WNT7B: variants seen among roughly 807,000 people sequenced by gnomAD.
WNT7B encodes Wnt family member 7B, also known as protein Wnt-7b.
A neutral mutation model predicts 38.2 loss-of-function variants in WNT7B; 19 were observed. The ratio of observed to expected loss-of-function variants is 0.50; its 90% CI spans 0.35 to 0.73. The LOEUF is 0.73. WNT7B is among the 30% of genes least tolerant of loss of function. The pLI is 0.01. For missense variants in WNT7B, 423 were observed against 507.9 expected, an observed-to-expected ratio of 0.83 and a Z score of 1.61; for synonymous variants, 243 against 209.3, an observed-to-expected ratio of 1.16 and a Z score of -1.39.
intron 3 of WNT7B, chr22:45,926,022 A>C: frequency 2.0e-6 from 2 of 985,238 alleles, no homozygotes; most frequent in Non-Finnish European, 2.4e-6. Flanking sequence ...CAGGGAACCC[A>C]GCTGCATGCT....
Position 45,976,624 on chromosome 22 carries a change from A to G in WNT7B, c.71+60T>C. 6.4e-7 allele frequency: 1 copy of G among 1,558,720 alleles called. No individual in the cohort carries two copies. The highest frequency in any genetic ancestry group is 8.7e-7 in the Non-Finnish European group (1 of 1,144,948). Reference sequence around the variant, plus strand: ...CCACGTCCCCACGGGGACGCCCCGGAGGCAGCTCCTTCGTGCTGTCTTGGC... The same window carrying G: ...CCACGTCCCCACGGGGACGCCCCGGGGGCAGCTCCTTCGTGCTGTCTTGGC... On this transcript the variant is annotated intron_variant, in intron 1 of 3. Coordinates refer to ENST00000339464, the MANE Select transcript of WNT7B (RefSeq NM_058238.3). The surrounding 1 kb of genome is among the most constrained non-coding windows in gnomAD (Gnocchi z 8.5).
At chr22:45,964,417 C>A (rs912028765) in intron 1 of WNT7B, among the ~76,000 whole-genome samples, 2 of 152,082 alleles carry the variant, frequency 1.3e-5, no homozygotes, top group Admixed American at 6.5e-5. Context: ...CCCCTGCAGG[C>A]CAGCCCCCCC....
intron 1 of WNT7B, 122 bp from the exon 2 acceptor site, chr22:45,950,268 GC>G: frequency 2.4e-6 from 2 of 826,484 alleles, no homozygotes; most frequent in Non-Finnish European, 3.9e-6. Context: ...GCCCACCAGG[GC>G]ACAAGCAGAT....
chr22:45,923,484 T>A, intron 3 of WNT7B, 149 bp from the exon 4 acceptor site: 1 of 1,172,000 alleles, frequency 8.5e-7, no homozygotes, highest in East Asian at 2.6e-5. Flanking sequence ...TCTCTGACCC[T>A]CAGCCTCCTC....
intron 1 of WNT7B, among the ~76,000 whole-genome samples, chr22:45,959,447 AG>A (rs1283700677): frequency 6.6e-6 from 1 of 152,156 alleles, no homozygotes; most frequent in East Asian, 1.9e-4. Context: ...GAGAGGGCAC[AG>A]CTCCCCGCCA....
chr22:45,953,874 A>C (rs79491702), intron 1 of WNT7B, among the ~76,000 whole-genome samples: 2 of 152,212 alleles, frequency 1.3e-5, no homozygotes, highest in African/African-American at 2.4e-5. Flanking sequence ...CAATAAGTTC[A>C]ACCTGGAGTC....
chr22:45,976,613 G>A lies in WNT7B; in HGVS notation c.71+71C>T. 2 of 1,527,884 alleles carry A rather than the reference G, an allele frequency of 1.3e-6. No homozygotes were observed. Among genetic ancestry groups the A allele is most frequent in the Non-Finnish European group, 8.9e-7 (1 of 1,122,686 alleles). 94.6% of individuals were successfully genotyped at this position (1,527,884 alleles called of 1,614,324 possible). A position where few individuals can be genotyped will look rare whatever the true frequency, so the allele number is the denominator to read the frequency against. On this transcript the variant is annotated intron_variant, in intron 1 of 3. Coordinates refer to ENST00000339464, the MANE Select transcript of WNT7B (RefSeq NM_058238.3). The surrounding 1 kb of genome is among the most constrained non-coding windows in gnomAD (Gnocchi z 8.5). ...CCCTCCAGTCCCCACGTCCCCACGGGGACGCCCCGGAGGCAGCTCCTTCGT... is the reference window on the plus strand; with the variant it reads ...CCCTCCAGTCCCCACGTCCCCACGGAGACGCCCCGGAGGCAGCTCCTTCGT...
chr22:45,972,116 G>GGGGGGGCCCCCCC, intron 1 of WNT7B: 8 of 530,728 alleles, frequency 1.5e-5, no homozygotes, highest in South Asian at 2.3e-5. Flanking sequence ...CCCGGGGGGA[G>GGGGGGGCCCCCCC]CCCACCCGCC....
intron 2 of WNT7B, among the ~76,000 whole-genome samples, chr22:45,944,891 G>A (rs933644513): frequency 6.6e-6 from 1 of 152,124 alleles, no homozygotes; most frequent in Admixed American, 6.5e-5. Flanking sequence ...CCACACTGGA[G>A]GACAGTGTCC....
At chr22:45,972,105 G>GC (rs746623911) in intron 1 of WNT7B, 1 of 589,602 alleles carries the variant, frequency 1.7e-6, no homozygotes, top group Non-Finnish European at 3.1e-6. Flanking sequence ...AGCGCTGGAG[G>GC]CCCGGGGGGA....
intron 3 of WNT7B, chr22:45,927,225 G>A: frequency 1.0e-6 from 1 of 985,446 alleles, no homozygotes; most frequent in African/African-American, 1.7e-5. Flanking sequence ...GGGCACTCAG[G>A]TCTCCAAAAC....
intron 2 of WNT7B, among the ~76,000 whole-genome samples, chr22:45,938,683 G>C (rs1931571138): frequency 1.3e-5 from 2 of 151,998 alleles, no homozygotes; most frequent in Non-Finnish European, 2.9e-5. Context: ...GAAGGAGTGA[G>C]GTGTAGTGTC....
rs1355076590 is a variant in WNT7B, at chr22:45,951,491, G to A, written c.72-1345C>T. ...GTTGTGCAACCTCCAGCACCGTCAGGTTCCCAGATATTTCTGCCACCCCAG... is the reference window on the plus strand; with the variant it reads ...GTTGTGCAACCTCCAGCACCGTCAGATTCCCAGATATTTCTGCCACCCCAG... On this transcript the variant is annotated intron_variant, in intron 1 of 3. Transcript: ENST00000339464. This position sits in a 1 kb window ranked among gnomAD's most constrained non-coding sequence, Gnocchi z 4.8. 6.6e-6 allele frequency among the ~76,000 whole-genome samples: 1 copy of A among 151,460 alleles called. No individual in the cohort carries two copies. The highest frequency in any genetic ancestry group is 1.5e-5 in the Non-Finnish European group (1 of 68,004).
chr22:45,954,233 AG>A (rs774216452), intron 1 of WNT7B, among the ~76,000 whole-genome samples: 3 of 152,110 alleles, frequency 2.0e-5, no homozygotes, highest in Non-Finnish European at 2.9e-5. Context: ...GAAAGTAGAA[AG>A]GTGATTGCCA....
At chr22:45,942,949 T>C (rs1227906129) in intron 2 of WNT7B, among the ~76,000 whole-genome samples, 1 of 91,328 alleles carries the variant, frequency 1.1e-5, no homozygotes, top group East Asian at 4.7e-4. Flanking sequence ...GGCGTGTATG[T>C]GTGCAGTGTG....
intron 1 of WNT7B, among the ~76,000 whole-genome samples, chr22:45,964,719 GC>G (rs138776124): frequency 0.013 from 2,044 of 152,246 alleles, 43 homozygotes; most frequent in African/African-American, 0.047. Flanking sequence ...AGTTCACGGG[GC>G]CCCAGACCCA....
At chr22:45,946,092 G>C (rs1438395051) in intron 2 of WNT7B, among the ~76,000 whole-genome samples, 1 of 152,140 alleles carries the variant, frequency 6.6e-6, no homozygotes, top group Non-Finnish European at 1.5e-5. Context: ...CGCAGTGGTT[G>C]GAAGGAAGCA....
chr22:45,943,019 ATGTG>A (rs955657113), intron 2 of WNT7B, among the ~76,000 whole-genome samples: 1 of 143,874 alleles, frequency 7.0e-6, no homozygotes, highest in African/African-American at 2.6e-5. Context: ...TGCAGTGTGC[ATGTG>A]TATGTGTGTG....
At position 45,953,382 on chromosome 22, in the gene WNT7B, C is replaced by T. The variant is rs1416093593; in HGVS notation, c.72-3236G>A. ...AGCCACCGTGTCCATGCCCCGCTTC[C>T]CCAGCAGACGGTCGGCCCCTCCAGG... On this transcript the variant is annotated intron_variant, in intron 1 of 3. Transcript: ENST00000339464. Among the ~76,000 whole-genome samples, 4 of 152,236 alleles carry T rather than the reference C, an allele frequency of 2.6e-5. No individual in the cohort carries two copies. In the East Asian group the frequency reaches 7.7e-4, roughly 29 times the overall value.
Sources: allele counts gnomAD v4.1 joint callset (sites outside exome capture counted in the v4.1 genomes callset), GRCh38; gene constraint gnomAD v4.1.1; non-coding constraint Gnocchi (gnomAD v3.1); transcripts MANE v1.5; gene names NCBI Gene and HGNC (gene_info 2026-07-23, HGNC 2026-07-21).